The following AADACL2 variants were observed in gnomAD, a reference collection of about 807,000 sequenced individuals.
The protein encoded by AADACL2 is arylacetamide deacetylase-like 2.
Under a neutral mutation model 22.3 loss-of-function variants are expected in AADACL2, and 23 were observed. The ratio of observed to expected loss-of-function variants is 1.03; its 90% CI spans 0.74 to 1.46. The LOEUF (loss-of-function observed/expected upper bound fraction) is 1.46. Among genes scored for constraint, AADACL2 ranks in the 40% most tolerant of loss-of-function variants. The pLI is 0.00. For synonymous variants in AADACL2, 177 were observed against 166.2 expected (o/e 1.07, Z -0.50); for missense variants, 472 against 482.9 (o/e 0.98, Z 0.21).
chr3:151,745,960 T>C (rs1454410002), intron 4 of AADACL2, among the ~76,000 whole-genome samples: 1 of 152,176 alleles, frequency 6.6e-6, no homozygotes, highest in Non-Finnish European at 1.5e-5. Flanking sequence ...ATTAAAATAT[T>C]AGATTATCTT....
chr3:151,737,123 T>G (rs1713113074), intron 1 of AADACL2, among the ~76,000 whole-genome samples: 1 of 152,190 alleles, frequency 6.6e-6, no homozygotes, highest in Non-Finnish European at 1.5e-5. Flanking sequence ...CTCTTAACAC[T>G]GCTTTAGCTG....
At chr3:151,744,221 T>G in intron 3 of AADACL2, 59 bp downstream of exon 3, 2 of 1,505,360 alleles carry the variant, frequency 1.3e-6, no homozygotes, top group Non-Finnish European at 1.8e-6. Context: ...AGAGGTTTGA[T>G]TTCCACATCA....
intron 1 of AADACL2, among the ~76,000 whole-genome samples, chr3:151,739,782 T>A (rs1278256750): frequency 1.3e-5 from 2 of 152,114 alleles, no homozygotes; most frequent in African/African-American, 4.8e-5. Flanking sequence ...TTCCAACCAG[T>A]CCAAACCTCC....
At chr3:151,737,100 G>T (rs1445273159) in intron 1 of AADACL2, among the ~76,000 whole-genome samples, 2 of 152,110 alleles carry the variant, frequency 1.3e-5, no homozygotes, top group Non-Finnish European at 2.9e-5. Flanking sequence ...GCCATTTAGT[G>T]GTATAAATTT....
intron 4 of AADACL2, chr3:151,751,365 C>G (rs1229828930): frequency 6.6e-6 from 1 of 152,152 alleles, no homozygotes; most frequent in Non-Finnish European, 1.5e-5. Flanking sequence ...ATTTCTTGCA[C>G]ATTTGTAACA....
chr3:151,757,006 T>C lies in AADACL2; in HGVS notation c.618T>C (p.Ala206=). 6.2e-7 allele frequency: 1 copy of C among 1,601,812 alleles called. No homozygotes were observed. Among genetic ancestry groups the C allele is most frequent in the Non-Finnish European group, 8.5e-7 (1 of 1,176,138 alleles). Residue 206 remains alanine, a synonymous_variant, in exon 5 of 5, where the codon GCT becomes GCC. Transcript: ENST00000356517. Reference sequence around the variant, plus strand: ...TATATTTTCAGGTGCAGAATGATGCTGAAATAAAACATAAAATCAAGATGC... The same window carrying C: ...TATATTTTCAGGTGCAGAATGATGCCGAAATAAAACATAAAATCAAGATGC... The part of the protein sequence containing the change: ...TAVTQQVQND[A]EIKHKIKMQV...
At position 151,761,136 on chromosome 3, in the gene AADACL2, T is replaced by A. The variant is rs1049712468; in HGVS notation, c.*3542T>A. ...ATATATGGTGAGATATATATTTATA[T>A]ATGGTGAGATATATATATATATGGT... On this transcript the variant is annotated 3_prime_UTR_variant, in exon 5 of 5. Coordinates refer to ENST00000356517, the MANE Select transcript of AADACL2 (RefSeq NM_207365.4). The A allele has an allele frequency of 4.1e-4, 55 of 134,346 alleles. No individual in the cohort carries two copies. The highest frequency in any genetic ancestry group is 1.9e-3 in the African/African-American group (55 of 29,284). 8.3% of individuals were successfully genotyped at this position (134,346 alleles called of 1,614,324 possible).
At chr3:151,744,201 T>G in intron 3 of AADACL2, 39 bp downstream of exon 3, 3 of 1,604,198 alleles carry the variant, frequency 1.9e-6, no homozygotes, top group South Asian at 2.2e-5. Flanking sequence ...GATTTTTGCC[T>G]TTACCATGTA....
At chr3:151,738,459 T>C (rs926948036) in intron 1 of AADACL2, among the ~76,000 whole-genome samples, 1 of 152,138 alleles carries the variant, frequency 6.6e-6, no homozygotes, top group Admixed American at 6.6e-5. Context: ...GAGAATCTGA[T>C]GATTATGTGT....
chr3:151,748,534 T>C (rs1390768358), intron 4 of AADACL2, among the ~76,000 whole-genome samples: 2 of 152,174 alleles, frequency 1.3e-5, no homozygotes, highest in Non-Finnish European at 2.9e-5. Flanking sequence ...GGAGGGTGGA[T>C]CCTTCGTGAA....
At chr3:151,743,107 G>T (rs967781675) in intron 2 of AADACL2, among the ~76,000 whole-genome samples, 1 of 151,850 alleles carries the variant, frequency 6.6e-6, no homozygotes. Flanking sequence ...GTACATTTTG[G>T]TCTTCATCTA....
intron 1 of AADACL2, among the ~76,000 whole-genome samples, chr3:151,734,602 C>G (rs1432081668): frequency 2.6e-5 from 4 of 152,070 alleles, no homozygotes; most frequent in Non-Finnish European, 5.9e-5. Flanking sequence ...TATTTAATGG[C>G]TTTCATTGTC....
At chr3:151,739,134 T>C (rs556789253) in intron 1 of AADACL2, among the ~76,000 whole-genome samples, 1 of 152,358 alleles carries the variant, frequency 6.6e-6, no homozygotes, top group East Asian at 1.9e-4. Flanking sequence ...CATGGATTTA[T>C]CTACCTTTGA....
rs1168186042 is a variant in AADACL2 at position 151,758,414 on chromosome 3, A to G, written c.*820A>G. ...TCTAGGATAATCTCTGCATCTCACG[A>G]TCCTCAATTTAATTGTATTTGCAGA... On this transcript the variant is annotated 3_prime_UTR_variant, in exon 5 of 5. Transcript: ENST00000356517. 1 of 152,076 alleles carries G rather than the reference A, an allele frequency of 6.6e-6. No individual in the cohort carries two copies. The highest frequency in any genetic ancestry group is 6.6e-5 in the Admixed American group (1 of 15,252). 9.4% of individuals were successfully genotyped at this position (152,076 alleles called of 1,614,324 possible).
chr3:151,749,330 A>C (rs1456478603), intron 4 of AADACL2, among the ~76,000 whole-genome samples: 1 of 152,000 alleles, frequency 6.6e-6, no homozygotes, highest in Non-Finnish European at 1.5e-5. Flanking sequence ...ATTTCTTTTT[A>C]AGATAGTTTG....
At chr3:151,748,157 C>A (rs537090625) in intron 4 of AADACL2, among the ~76,000 whole-genome samples, 4 of 152,158 alleles carry the variant, frequency 2.6e-5, no homozygotes, top group African/African-American at 7.2e-5. Context: ...GTTGCCTGTA[C>A]TTTTGGAGTC....
At chr3:151,754,397 A>G (rs1168350407) in intron 4 of AADACL2, among the ~76,000 whole-genome samples, 1 of 152,138 alleles carries the variant, frequency 6.6e-6, no homozygotes, top group Non-Finnish European at 1.5e-5. Flanking sequence ...CTATAACTTG[A>G]AAAACACGGC....
At chr3:151,741,808 ACTTT>A (rs1713287044) in intron 2 of AADACL2, among the ~76,000 whole-genome samples, 1 of 152,096 alleles carries the variant, frequency 6.6e-6, no homozygotes, top group East Asian at 1.9e-4. Context: ...GGAAAATATC[ACTTT>A]GATTGAAAAA....
At chr3:151,747,675 C>T (rs1032281852) in intron 4 of AADACL2, among the ~76,000 whole-genome samples, 1 of 150,880 alleles carries the variant, frequency 6.6e-6, no homozygotes, top group African/African-American at 2.4e-5. Flanking sequence ...TTTCTTTATC[C>T]ATTTATCCGG....
Sources: gnomAD v4.1 joint callset for allele counts (sites outside exome capture counted in the v4.1 genomes callset) on GRCh38, gnomAD v4.1.1 for gene constraint, MANE v1.5 for transcripts, NCBI Gene and HGNC (gene_info 2026-07-23, HGNC 2026-07-21) for gene names.